Variants in PIEZO2 observed in about 807,000 individuals in gnomAD.
PIEZO2 encodes the protein piezo type mechanosensitive ion channel component 2, also known as piezo-type mechanosensitive ion channel component 2.
In PIEZO2, 172 loss-of-function variants were observed where a neutral mutation model predicts 337.3. The ratio of observed to expected loss-of-function variants is 0.51; its 90% CI spans 0.45 to 0.58. The LOEUF (loss-of-function observed/expected upper bound fraction) is 0.58, where lower values mean the gene tolerates loss of function less well. Ranked by LOEUF, PIEZO2 falls within the 20% of genes least tolerant of loss-of-function variation. The probability of loss-of-function intolerance (pLI) is 0.00; values close to 1 mark genes in which losing one functional copy is unlikely to be tolerated. For synonymous variants in PIEZO2, 1,251 were observed against 1,228.5 expected, an observed-to-expected ratio of 1.02 and a Z score of -0.38; for missense variants, 3,028 against 3,391.3, an observed-to-expected ratio of 0.89 and a Z score of 2.66.
Position 10,718,268 on chromosome 18 carries a change from T to A in PIEZO2, c.5030-9A>T, listed in dbSNP as rs560308668. On this transcript the variant is annotated splice_polypyrimidine_tract_variant and intron_variant, in intron 36 of 55. Transcript: ENST00000674853. ...TTCCCATTCCACAGGACCTGCCAAG[T>A]GTGTTCAATAAAGATGAGTTAAATT... The A allele has an allele frequency of 1.3e-6, 2 of 1,535,386 alleles. No individual in the cohort carries two copies. Among genetic ancestry groups the A allele is most frequent in the African/African-American group, 2.7e-5 (2 of 73,122 alleles).
intron 1 of PIEZO2, among the ~76,000 whole-genome samples, chr18:11,067,648 G>C (rs1260110934): frequency 6.6e-6 from 1 of 152,168 alleles, no homozygotes; most frequent in Non-Finnish European, 1.5e-5. Flanking sequence ...AGACAAAGAA[G>C]TAGAGGGAAC....
At chr18:10,949,099 T>C (rs1175977550) in intron 3 of PIEZO2, among the ~76,000 whole-genome samples, 1 of 152,178 alleles carries the variant, frequency 6.6e-6, no homozygotes, top group African/African-American at 2.4e-5. Context: ...CATTTGTTGG[T>C]TAGTAGAAAT....
intron 2 of PIEZO2, among the ~76,000 whole-genome samples, chr18:11,050,824 A>G (rs1014178660): frequency 2.1e-5 from 3 of 146,338 alleles, no homozygotes; most frequent in Non-Finnish European, 4.5e-5. Context: ...ATAAATTTTG[A>G]GTGTAAATGC....
chr18:11,114,000 T>C (rs2039813429), intron 1 of PIEZO2, among the ~76,000 whole-genome samples: 1 of 152,274 alleles, frequency 6.6e-6, no homozygotes, highest in South Asian at 2.1e-4. Context: ...GACAACGTTG[T>C]TGATGAACAG....
chr18:11,070,607 C>G lies in PIEZO2; in HGVS notation c.65-4385G>C, dbSNP rs1464600840. Among the ~76,000 whole-genome samples the G allele has an allele frequency of 6.6e-6, 1 of 152,194 alleles. No individual in the cohort carries two copies. The highest frequency in any genetic ancestry group is 1.5e-5 in the Non-Finnish European group (1 of 68,042). On this transcript the variant is annotated intron_variant, in intron 1 of 55. Coordinates refer to ENST00000674853, the MANE Select transcript of PIEZO2 (RefSeq NM_001378183.1). This position sits in a 1 kb window ranked among gnomAD's most constrained non-coding sequence, Gnocchi z 4.3. ...AGGGAAAGGTTTTCACAAAAGAAGTCCACTGCAAAAGGGAGACTAGACTGT... is the reference window on the plus strand; with the variant it reads ...AGGGAAAGGTTTTCACAAAAGAAGTGCACTGCAAAAGGGAGACTAGACTGT...
intron 2 of PIEZO2, among the ~76,000 whole-genome samples, chr18:11,061,118 C>T (rs9748926): frequency 8.5e-5 from 13 of 152,128 alleles, no homozygotes; most frequent in Non-Finnish European, 1.6e-4. Flanking sequence ...AATCAATAAA[C>T]GTAATCCAGC....
chr18:11,067,253 T>C (rs777925420), intron 1 of PIEZO2, among the ~76,000 whole-genome samples: 1 of 152,150 alleles, frequency 6.6e-6, no homozygotes, highest in Non-Finnish European at 1.5e-5. Flanking sequence ...AGGCAATATA[T>C]CTATGTAATA....
rs1241156886 is a variant in PIEZO2 at position 11,131,886 on chromosome 18, C to T, written c.64+16639G>A. Among the ~76,000 whole-genome samples the T allele has an allele frequency of 6.6e-6, 1 of 152,146 alleles. No homozygotes were observed. The highest frequency in any genetic ancestry group is 1.5e-5 in the Non-Finnish European group (1 of 68,030). Reference sequence around the variant, plus strand: ...TGTGGACACCACTCAGCCTCTTTCCCCAGCCACCCAATGGGCCCATGAACA... The same window carrying T: ...TGTGGACACCACTCAGCCTCTTTCCTCAGCCACCCAATGGGCCCATGAACA... On this transcript the variant is annotated intron_variant, in intron 1 of 55. Transcript: ENST00000674853. The surrounding 1 kb of genome is among the most constrained non-coding windows in gnomAD (Gnocchi z 5.3).
At chr18:11,058,294 C>G (rs1242872437) in intron 2 of PIEZO2, among the ~76,000 whole-genome samples, 1 of 151,980 alleles carries the variant, frequency 6.6e-6, no homozygotes, top group East Asian at 1.9e-4. Flanking sequence ...ACACCAAAAC[C>G]CCATCATCAA....
chr18:10,729,922 T>C (rs908613683), intron 36 of PIEZO2, among the ~76,000 whole-genome samples: 8 of 152,252 alleles, frequency 5.3e-5, no homozygotes, highest in Admixed American at 5.2e-4. Flanking sequence ...AGCTCAAAGC[T>C]ATCAATCTCA....
rs1393969129 is a variant in PIEZO2 at position 10,993,270 on chromosome 18, G to A, written c.161-13610C>T. On this transcript the variant is annotated intron_variant, in intron 2 of 55. Coordinates refer to ENST00000674853, the MANE Select transcript of PIEZO2 (RefSeq NM_001378183.1). The surrounding 1 kb of genome is among the most constrained non-coding windows in gnomAD (Gnocchi z 5.0). ...GAACTTCCAATACTATGTTGAATAGGAGTGGTGAGAGAGTGCCGGTTTTCA... is the reference window on the plus strand; with the variant it reads ...GAACTTCCAATACTATGTTGAATAGAAGTGGTGAGAGAGTGCCGGTTTTCA... 6.6e-6 allele frequency among the ~76,000 whole-genome samples: 1 copy of A among 152,138 alleles called. No individual in the cohort carries two copies. Among genetic ancestry groups the A allele is most frequent in the Non-Finnish European group, 1.5e-5 (1 of 68,034 alleles).
intron 4 of PIEZO2, among the ~76,000 whole-genome samples, chr18:10,889,063 G>A (rs961056990): frequency 6.6e-6 from 1 of 152,222 alleles, no homozygotes; most frequent in African/African-American, 2.4e-5. Flanking sequence ...TGATGAAAAG[G>A]CAGTTTATTG....
At chr18:10,772,300 A>C (rs950583432) in intron 20 of PIEZO2, among the ~76,000 whole-genome samples, 5 of 152,220 alleles carry the variant, frequency 3.3e-5, no homozygotes, top group African/African-American at 1.2e-4. Context: ...GTAATAAATG[A>C]GCATGATTTA....
rs548961878 is a variant in PIEZO2, at chr18:10,899,718, C to T, written c.329+11468G>A. On this transcript the variant is annotated intron_variant, in intron 4 of 55. Coordinates refer to ENST00000674853, the MANE Select transcript of PIEZO2 (RefSeq NM_001378183.1). The surrounding 1 kb of genome is among the most constrained non-coding windows in gnomAD (Gnocchi z 4.6). The stretch of plus-strand genomic sequence containing the variant: ...AATTTCCTGTCTACTGTTCATCATG[C>T]TGTCTACACCAAGACTTGAAATGTT... Among the ~76,000 whole-genome samples the T allele has an allele frequency of 2.4e-4, 37 of 152,318 alleles. No homozygotes were observed. In the South Asian group the frequency reaches 6.9e-3, roughly 28 times the overall value.
intron 2 of PIEZO2, among the ~76,000 whole-genome samples, chr18:11,046,332 G>T (rs1312730865): frequency 6.6e-6 from 1 of 152,200 alleles, no homozygotes; most frequent in Non-Finnish European, 1.5e-5. Flanking sequence ...TCACTCCTAT[G>T]GGACAAGTGT....
chr18:11,109,484 G>T lies in PIEZO2; in HGVS notation c.64+39041C>A, dbSNP rs1392380194. Among the ~76,000 whole-genome samples the T allele has an allele frequency of 6.6e-6, 1 of 152,150 alleles. No individual in the cohort carries two copies. The highest frequency in any genetic ancestry group is 1.9e-4 in the East Asian group (1 of 5,198). On this transcript the variant is annotated intron_variant, in intron 1 of 55. Coordinates refer to ENST00000674853, the MANE Select transcript of PIEZO2 (RefSeq NM_001378183.1). This position sits in a 1 kb window ranked among gnomAD's most constrained non-coding sequence, Gnocchi z 5.1. Reference sequence around the variant, plus strand: ...TAATCCCAGCACTTTGGGAGGCCGAGGTGGGTGGATCACTTGAGGTCAGGG... The same window carrying T: ...TAATCCCAGCACTTTGGGAGGCCGATGTGGGTGGATCACTTGAGGTCAGGG...
chr18:10,747,982 C>CCCAGT (rs1485598987), intron 30 of PIEZO2, among the ~76,000 whole-genome samples: 1 of 152,042 alleles, frequency 6.6e-6, no homozygotes, highest in African/African-American at 2.4e-5. Flanking sequence ...ATTACCTCTC[C>CCCAGT]CCAGTCTTTT....
chr18:10,688,326 C>T (rs12953339), intron 49 of PIEZO2, among the ~76,000 whole-genome samples: 46,807 of 151,988 alleles, frequency 0.31, 7,708 homozygotes, highest in Non-Finnish European at 0.38. Context: ...TATCTGCAAA[C>T]GACACGATCT....
chr18:10,757,432 G>A (rs1404905047), intron 27 of PIEZO2, among the ~76,000 whole-genome samples: 5 of 143,246 alleles, frequency 3.5e-5, no homozygotes, highest in Non-Finnish European at 1.5e-5. Context: ...AAGGCTGGAG[G>A]GTGAGGAGGA....
Sources: allele counts gnomAD v4.1 joint callset (sites outside exome capture counted in the v4.1 genomes callset), GRCh38; gene constraint gnomAD v4.1.1; non-coding constraint Gnocchi (gnomAD v3.1); transcripts MANE v1.5; gene names NCBI Gene and HGNC (gene_info 2026-07-23, HGNC 2026-07-21).